Variants in DZIP1 observed in about 807,000 individuals in gnomAD.
The protein encoded by DZIP1 is cilium assembly protein DZIP1.
In DZIP1, 97 loss-of-function variants were observed where a neutral mutation model predicts 107.6. The observed-to-expected ratio is 0.90, with a 90% CI of 0.77 to 1.07. DZIP1 has a LOEUF of 1.07. DZIP1 is among the 50% of genes least tolerant of loss of function. The pLI is 0.00. For missense variants in DZIP1, 1,035 were observed against 1,063.6 expected, an observed-to-expected ratio of 0.97 and a Z score of 0.37; for synonymous variants, 390 against 386.4, an observed-to-expected ratio of 1.01 and a Z score of -0.11.
chr13:95,638,778 A>G (rs1056397940), intron 5 of DZIP1, among the ~76,000 whole-genome samples: 1 of 152,118 alleles, frequency 6.6e-6, no homozygotes, highest in Non-Finnish European at 1.5e-5. Context: ...TCAGCTACTC[A>G]GTTCTTATGA....
chr13:95,620,573 C>T (rs1260177498), intron 9 of DZIP1, among the ~76,000 whole-genome samples: 1 of 152,144 alleles, frequency 6.6e-6, no homozygotes, highest in Non-Finnish European at 1.5e-5. Flanking sequence ...GGGGGCCAGA[C>T]AACTTGGTCA....
chr13:95,617,069 ATGG>A (rs2139193113), intron 10 of DZIP1, among the ~76,000 whole-genome samples: 1 of 152,114 alleles, frequency 6.6e-6, no homozygotes, highest in Admixed American at 6.5e-5. Context: ...TTAGCTCAGC[ATGG>A]TGGCACGTAA....
chr13:95,595,780 A>G (rs1256480249), intron 15 of DZIP1, among the ~76,000 whole-genome samples: 2 of 152,162 alleles, frequency 1.3e-5, no homozygotes, highest in African/African-American at 4.8e-5. Flanking sequence ...AAGGACGTAC[A>G]CAGAAGCGTT....
chr13:95,595,059 C>A (rs1594658045), intron 15 of DZIP1, among the ~76,000 whole-genome samples: 1 of 152,204 alleles, frequency 6.6e-6, no homozygotes, highest in Admixed American at 6.5e-5. Flanking sequence ...AACTATACTA[C>A]CATTTTGGAG....
At chr13:95,582,368 T>C (rs567747867) in intron 22 of DZIP1, 55 bp from the exon 23 acceptor site, 10 of 1,389,510 alleles carry the variant, frequency 7.2e-6, no homozygotes, top group South Asian at 3.5e-5. Flanking sequence ...AACAAGCACA[T>C]TGTCAAGTCT....
rs765436058 is a variant in DZIP1, at chr13:95,612,033, A to T, written c.1314+4T>A. 9.3e-6 allele frequency: 15 copies of T among 1,612,922 alleles called. No homozygotes were observed. Among genetic ancestry groups the T allele is most frequent in the Non-Finnish European group, 1.2e-5 (14 of 1,179,862 alleles). ...GCACGGTGCCACACTGCCGCCAGAC[A>T]TACCTGCTGTCTCTGAGTTATAATC... On this transcript the variant is annotated splice_donor_region_variant and intron_variant, in intron 11 of 22. Transcript: ENST00000376829.
intron 22 of DZIP1, 123 bp downstream of exon 22, chr13:95,584,609 TAAAG>T (rs2044104220): frequency 2.4e-5 from 35 of 1,455,960 alleles, no homozygotes; most frequent in East Asian, 6.9e-5. Context: ...TTAAATAACA[TAAAG>T]AAAGCACTGA....
Position 95,641,037 on chromosome 13 carries a change from A to G in DZIP1, c.597+258T>C, listed in dbSNP as rs1250714520. On this transcript the variant is annotated intron_variant, in intron 5 of 22. Transcript: ENST00000376829. The surrounding 1 kb of genome is among the most constrained non-coding windows in gnomAD (Gnocchi z 4.3). The stretch of plus-strand genomic sequence containing the variant: ...TGATTCGGAGGAGGAAAGTGTTTCA[A>G]CAACCAGCATTTAGATAACTTCCAT... Among the ~76,000 whole-genome samples the G allele has an allele frequency of 6.6e-6, 1 of 152,228 alleles. No individual in the cohort carries two copies. The highest frequency in any genetic ancestry group is 1.9e-4 in the East Asian group (1 of 5,196).
rs34181737 is a variant in DZIP1, at chr13:95,590,310, A to C, written c.1812T>G (p.Cys604Trp). The C allele has an allele frequency of 7.7e-3, 12,414 of 1,613,668 alleles. 74 individuals are homozygous for C. The highest frequency in any genetic ancestry group is 0.012 in the South Asian group (1,049 of 90,946). Residue 604 changes from cysteine to tryptophan, a missense_variant, in exon 17 of 23, where the codon TGT (cysteine) becomes TGG (tryptophan). Cys to Trp is a radical substitution (Grantham distance 215). Transcript: ENST00000376829. ...IREFLEHQVS[C>W]KIEEKALLSS... ...AGAGTAGTGCTTTCTCCTCAATTTT[A>C]CAGCTGACTTGATGTTCAAGGAATT...
At chr13:95,630,518 C>T (rs1484855185) in intron 6 of DZIP1, among the ~76,000 whole-genome samples, 1 of 152,032 alleles carries the variant, frequency 6.6e-6, no homozygotes, top group African/African-American at 2.4e-5. Flanking sequence ...ACTGAAATCT[C>T]TGTGGTCACC....
rs1233724679 is a variant in DZIP1 at position 95,581,099 on chromosome 13, C to T, written c.*1135G>A. 6.6e-6 allele frequency: 1 copy of T among 152,416 alleles called. No homozygotes were observed. The highest frequency in any genetic ancestry group is 1.5e-5 in the Non-Finnish European group (1 of 68,030). The allele number at this position is 152,416 out of a possible 1,614,324, so 9.4% of individuals were successfully genotyped here. ...TTAACTCAGAATTCATCTCTAATAACACAGCCACAGTCACAGTGATGTAAC... is the reference window on the plus strand; with the variant it reads ...TTAACTCAGAATTCATCTCTAATAATACAGCCACAGTCACAGTGATGTAAC... On this transcript the variant is annotated 3_prime_UTR_variant, in exon 23 of 23. Coordinates refer to ENST00000376829, the MANE Select transcript of DZIP1 (RefSeq NM_198968.4).
chr13:95,612,206 C>T (rs747677477), intron 10 of DZIP1, 29 bp from the exon 11 acceptor site: 2 of 1,598,588 alleles, frequency 1.3e-6, no homozygotes, highest in Non-Finnish European at 1.7e-6. Flanking sequence ...AGGCATCCAT[C>T]TGTAAGCTGC....
chr13:95,627,671 G>A (rs557568499), intron 7 of DZIP1, among the ~76,000 whole-genome samples: 40 of 152,280 alleles, frequency 2.6e-4, no homozygotes, highest in South Asian at 1.0e-3. Flanking sequence ...GGAGAAATAA[G>A]AACATTACTG....
intron 14 of DZIP1, among the ~76,000 whole-genome samples, chr13:95,603,961 G>C (rs2044696639): frequency 1.3e-5 from 2 of 152,146 alleles, no homozygotes; most frequent in Non-Finnish European, 2.9e-5. Flanking sequence ...CTCTCTTTGG[G>C]GCAGCCCCCA....
chr13:95,601,867 C>G (rs554217237), intron 14 of DZIP1, among the ~76,000 whole-genome samples: 13 of 152,330 alleles, frequency 8.5e-5, no homozygotes, highest in African/African-American at 3.1e-4. Flanking sequence ...ACCTGCTCAG[C>G]CTTTCTGCCA....
intron 15 of DZIP1, among the ~76,000 whole-genome samples, chr13:95,594,554 C>A (rs1232013934): frequency 1.3e-5 from 2 of 152,102 alleles, no homozygotes; most frequent in African/African-American, 4.8e-5. Context: ...AATCCCAGCA[C>A]TTTCGGAGGT....
At position 95,611,497 on chromosome 13, in the gene DZIP1, CAA is replaced by C. The variant is rs1347752059; in HGVS notation, c.1315-6_1315-5del. 1 of 1,605,592 alleles carries C rather than the reference CAA, an allele frequency of 6.2e-7. No individual in the cohort carries two copies. Among genetic ancestry groups the C allele is most frequent in the Non-Finnish European group, 8.5e-7 (1 of 1,172,440 alleles). ...GATTACAGGTAAAGTCTTTAATCTGCAAAGAAATACAGTCTTCTAGTGATACA... is the reference window on the plus strand; with the variant it reads ...GATTACAGGTAAAGTCTTTAATCTGCAGAAATACAGTCTTCTAGTGATACA... On this transcript the variant is annotated splice_region_variant and splice_polypyrimidine_tract_variant and intron_variant, in intron 11 of 22. Transcript: ENST00000376829.
In DZIP1 at chr13:95,585,991, T is replaced by C. The variant is rs2044148826; in HGVS notation, c.2349+15A>G. Reference sequence around the variant, plus strand: ...GACAAATTTATGTATATCTAGCAAGTAAAAGTGATTTCACCTTTAGTTCTT... The same window carrying C: ...GACAAATTTATGTATATCTAGCAAGCAAAAGTGATTTCACCTTTAGTTCTT... On this transcript the variant is annotated intron_variant, in intron 21 of 22. Transcript: ENST00000376829. The C allele has an allele frequency of 6.3e-7, 1 of 1,584,000 alleles. No individual in the cohort carries two copies.
chr13:95,586,178 A>C (rs1319751331), intron 20 of DZIP1, 42 bp from the exon 21 acceptor site: 1 of 1,522,270 alleles, frequency 6.6e-7, no homozygotes, highest in East Asian at 2.3e-5. Flanking sequence ...GTATTTAAAA[A>C]TTTAATCTAT....
Sources: allele counts gnomAD v4.1 joint callset (sites outside exome capture counted in the v4.1 genomes callset), GRCh38; gene constraint gnomAD v4.1.1; non-coding constraint Gnocchi (gnomAD v3.1); transcripts MANE v1.5; gene names NCBI Gene and HGNC (gene_info 2026-07-23, HGNC 2026-07-21).